The following CNTNAP5 variants were observed in gnomAD, a reference collection of about 807,000 sequenced individuals.
The protein encoded by CNTNAP5 is contactin associated protein family member 5, also known as contactin-associated protein-like 5.
A neutral mutation model predicts 150.2 loss-of-function variants in CNTNAP5; 72 were observed. The observed-to-expected ratio is 0.48, with a 90% CI of 0.40 to 0.58. CNTNAP5 has a LOEUF of 0.58. Among genes scored for constraint, CNTNAP5 ranks in the 20% least tolerant of loss-of-function variants. CNTNAP5 has a pLI of 0.00. For synonymous variants in CNTNAP5, 672 were observed against 619.8 expected (o/e 1.08, Z -1.25); for missense variants, 1,636 against 1,626.2 (o/e 1.01, Z -0.10).
chr2:124,607,551 C>G (rs1337348712), intron 11 of CNTNAP5, among the ~76,000 whole-genome samples: 1 of 152,190 alleles, frequency 6.6e-6, no homozygotes, highest in Non-Finnish European at 1.5e-5. Context: ...ATTTTGTCAG[C>G]AGAACATGAA....
chr2:124,719,455 C>T (rs757620593), intron 13 of CNTNAP5, among the ~76,000 whole-genome samples: 8 of 152,158 alleles, frequency 5.3e-5, no homozygotes, highest in Middle Eastern at 3.4e-3. Flanking sequence ...ACAGCTGAAC[C>T]GAGTAGTAAG....
At chr2:124,556,094 T>A (rs1232985463) in intron 10 of CNTNAP5, among the ~76,000 whole-genome samples, 2 of 152,200 alleles carry the variant, frequency 1.3e-5, no homozygotes, top group Non-Finnish European at 2.9e-5. Context: ...TTGGCAGAAG[T>A]GATGCCTCAG....
chr2:124,911,988 C>A (rs730668), intron 23 of CNTNAP5, among the ~76,000 whole-genome samples: 13,007 of 152,168 alleles, frequency 0.085, 666 homozygotes, highest in South Asian at 0.15. Context: ...CAGGGTGAAG[C>A]CCACAGAACT....
intron 21 of CNTNAP5, among the ~76,000 whole-genome samples, chr2:124,876,068 G>T (rs1254591927): frequency 2.6e-5 from 4 of 152,062 alleles, no homozygotes; most frequent in African/African-American, 9.7e-5. Context: ...TCATTTGCAG[G>T]CAAGATTTCA....
At chr2:124,397,137 G>A (rs748775022) in intron 3 of CNTNAP5, among the ~76,000 whole-genome samples, 3 of 152,204 alleles carry the variant, frequency 2.0e-5, no homozygotes, top group Non-Finnish European at 4.4e-5. Context: ...CTTTGACACT[G>A]AATTTGCATA....
intron 19 of CNTNAP5, among the ~76,000 whole-genome samples, chr2:124,802,931 TG>T (rs1351971251): frequency 3.9e-5 from 6 of 152,022 alleles, no homozygotes; most frequent in Non-Finnish European, 8.8e-5. Flanking sequence ...GAGATCATCC[TG>T]GCTAACACGG....
At chr2:124,705,700 A>G (rs1223651934) in intron 13 of CNTNAP5, among the ~76,000 whole-genome samples, 2 of 151,998 alleles carry the variant, frequency 1.3e-5, no homozygotes, top group African/African-American at 2.4e-5. Flanking sequence ...AATAGCAAAG[A>G]GAGTATGAAT....
chr2:124,428,529 G>A (rs926035456), intron 4 of CNTNAP5, among the ~76,000 whole-genome samples: 1 of 152,298 alleles, frequency 6.6e-6, no homozygotes, highest in Admixed American at 6.5e-5. Flanking sequence ...ATGTGTACAT[G>A]GTTTCCCTGC....
chr2:124,043,225 C>T (rs1480943884), intron 1 of CNTNAP5, among the ~76,000 whole-genome samples: 1 of 152,138 alleles, frequency 6.6e-6, no homozygotes, highest in Non-Finnish European at 1.5e-5. Context: ...ATATAGATCA[C>T]CACATTCCCT....
Position 124,474,755 on chromosome 2 carries a change from T to A in CNTNAP5, c.935T>A (p.Ile312Asn), listed in dbSNP as rs776832997. The A allele has an allele frequency of 6.3e-7, 1 of 1,583,256 alleles. No homozygotes were observed. Among genetic ancestry groups the A allele is most frequent in the Non-Finnish European group, 8.6e-7 (1 of 1,167,484 alleles). ...DIDYELSFGGIPVPGKPGTFL... is the reference protein window; with the variant it reads ...DIDYELSFGGNPVPGKPGTFL... ...CCCCAAAAGCTTAGTTTTGGAGGAA[T>A]TCCAGTACCAGGAAAACCTGGGACC... Residue 312 changes from isoleucine (I) to asparagine (N), a missense_variant, in exon 7 of 24, where the codon ATT becomes AAT. Physicochemically the swap from Ile to Asn is moderately radical, Grantham distance 149. Coordinates refer to ENST00000682447, the MANE Select transcript of CNTNAP5 (RefSeq NM_001367498.1).
intron 21 of CNTNAP5, among the ~76,000 whole-genome samples, chr2:124,873,353 A>G (rs1317528013): frequency 6.6e-6 from 1 of 152,088 alleles, no homozygotes; most frequent in East Asian, 1.9e-4. Context: ...CCTACCTCCA[A>G]CATTAGGGAT....
chr2:124,792,013 C>T (rs965843813), intron 18 of CNTNAP5, among the ~76,000 whole-genome samples: 2 of 152,052 alleles, frequency 1.3e-5, no homozygotes, highest in Non-Finnish European at 2.9e-5. Flanking sequence ...GGGAATGTGG[C>T]CGGAACTGAA....
At chr2:124,295,419 T>A (rs780024) in intron 3 of CNTNAP5, among the ~76,000 whole-genome samples, 44,664 of 151,124 alleles carry the variant, frequency 0.3, 7,196 homozygotes, top group Admixed American at 0.38. Context: ...TTTCTTTCAG[T>A]ACAATATTAT....
At chr2:124,829,135 G>T (rs1429682806) in intron 19 of CNTNAP5, among the ~76,000 whole-genome samples, 2 of 152,122 alleles carry the variant, frequency 1.3e-5, no homozygotes, top group Non-Finnish European at 2.9e-5. Context: ...GATGTGGGGG[G>T]CCATGTGCCC....
At chr2:124,545,302 C>T (rs1178357823) in intron 10 of CNTNAP5, among the ~76,000 whole-genome samples, 6 of 151,990 alleles carry the variant, frequency 3.9e-5, no homozygotes, top group Non-Finnish European at 4.4e-5. Context: ...GTAAGAGGTA[C>T]TCTGCTTGGT....
chr2:124,126,129 G>A (rs1245855335), intron 1 of CNTNAP5, among the ~76,000 whole-genome samples: 2 of 152,228 alleles, frequency 1.3e-5, no homozygotes, highest in East Asian at 1.9e-4. Flanking sequence ...TTCAGGAGCT[G>A]GTTTTTTGAA....
intron 18 of CNTNAP5, among the ~76,000 whole-genome samples, chr2:124,791,839 G>A (rs1681741000): frequency 6.6e-6 from 1 of 151,882 alleles, no homozygotes; most frequent in African/African-American, 2.4e-5. Context: ...AGTTACATAG[G>A]CAAGTGTGTG....
intron 19 of CNTNAP5, among the ~76,000 whole-genome samples, chr2:124,861,772 G>A (rs1230483905): frequency 3.3e-5 from 5 of 152,032 alleles, no homozygotes. Flanking sequence ...TATTCCAGAA[G>A]CAACTAAGGC....
intron 1 of CNTNAP5, among the ~76,000 whole-genome samples, chr2:124,135,382 A>G (rs1199105637): frequency 6.6e-6 from 1 of 152,162 alleles, no homozygotes; most frequent in Non-Finnish European, 1.5e-5. Flanking sequence ...GCTGGCCCGT[A>G]CTTCTTTGGA....
Sources: gnomAD v4.1 joint callset for allele counts (sites outside exome capture counted in the v4.1 genomes callset) on GRCh38, gnomAD v4.1.1 for gene constraint, MANE v1.5 for transcripts, NCBI Gene and HGNC (gene_info 2026-07-23, HGNC 2026-07-21) for gene names.